MBD5: variants seen among roughly 807,000 people sequenced by gnomAD.
MBD5 encodes the protein methyl-CpG binding domain protein 5, also known as methyl-CpG-binding domain protein 5.
MBD5 carries 13 observed loss-of-function variants against 117.3 expected under a neutral mutation model. The ratio of observed to expected loss-of-function variants is 0.11; its 90% CI spans 0.07 to 0.18. MBD5 has a LOEUF of 0.18. MBD5 is among the 10% of genes least tolerant of loss of function. The pLI, the probability that MBD5 is intolerant of heterozygous loss-of-function variation, is 1.00. For synonymous variants in MBD5, 727 were observed against 766.4 expected (o/e 0.95, Z 0.85); for missense variants, 1,879 against 2,093.8 (o/e 0.90, Z 2.00).
chr2:148,177,036 A>G (rs1698407929), intron 1 of MBD5, among the ~76,000 whole-genome samples: 1 of 152,186 alleles, frequency 6.6e-6, no homozygotes, highest in Non-Finnish European at 1.5e-5. Flanking sequence ...AGAGGATAGC[A>G]AAGCTTACAA....
intron 3 of MBD5, among the ~76,000 whole-genome samples, chr2:148,314,266 G>A (rs1405998820): frequency 1.3e-5 from 2 of 151,516 alleles, no homozygotes; most frequent in African/African-American, 4.8e-5. Context: ...TGTGGCAAAA[G>A]GAAATTTTTT....
At chr2:148,215,795 T>C (rs1243431424) in intron 2 of MBD5, among the ~76,000 whole-genome samples, 1 of 151,474 alleles carries the variant, frequency 6.6e-6, no homozygotes, top group African/African-American at 2.4e-5. Context: ...AGTGCCAGAA[T>C]TACAGGCATA....
intron 1 of MBD5, among the ~76,000 whole-genome samples, chr2:148,031,339 TA>T (rs35688557): frequency 0.47 from 70,587 of 149,820 alleles, 16,855 homozygotes; most frequent in Middle Eastern, 0.62. Context: ...ATATGCCTTG[TA>T]AAAAAAAAAG....
chr2:148,373,977 G>T (rs1574348335), intron 4 of MBD5, among the ~76,000 whole-genome samples: 1 of 151,890 alleles, frequency 6.6e-6, no homozygotes, highest in Non-Finnish European at 1.5e-5. Flanking sequence ...CCAATATAAG[G>T]CTCAAAGGAA....
rs142016823 is a variant in MBD5 at position 148,174,674 on chromosome 2, A to G, written c.-924-4026A>G. ...TACATTTCTCAAAAAAAGGCATCCA[A>G]AAGTCCAACTGATACAAGAAAAACT... On this transcript the variant is annotated intron_variant, in intron 1 of 13. Coordinates refer to ENST00000642680, the MANE Select transcript of MBD5 (RefSeq NM_001378120.1). Among the ~76,000 whole-genome samples the G allele has an allele frequency of 2.7e-3, 410 of 152,248 alleles. 1 individual carries two copies. Among genetic ancestry groups the G allele is most frequent in the Admixed American group, 5.1e-3 (78 of 15,302 alleles).
chr2:148,352,838 T>A (rs1703278920), intron 4 of MBD5, among the ~76,000 whole-genome samples: 2 of 152,148 alleles, frequency 1.3e-5, no homozygotes, highest in Non-Finnish European at 1.5e-5. Flanking sequence ...AAGACCCTAA[T>A]AAGGTATTGC....
chr2:148,412,842 G>A (rs1473930079), intron 4 of MBD5, among the ~76,000 whole-genome samples: 1 of 152,020 alleles, frequency 6.6e-6, no homozygotes, highest in African/African-American at 2.4e-5. Context: ...TTCTTAATGA[G>A]ATCTAGGAGG....
At chr2:148,463,613 A>G in intron 6 of MBD5, 126 bp from the exon 7 acceptor site, 1 of 1,199,020 alleles carries the variant, frequency 8.3e-7, no homozygotes, top group South Asian at 1.3e-5. Flanking sequence ...GCCTTTCTTA[A>G]AAACTTGAGA....
rs146604872 is a variant in MBD5 at position 148,148,401 on chromosome 2, T to G, written c.-924-30299T>G. Among the ~76,000 whole-genome samples the G allele has an allele frequency of 6.5e-3, 993 of 152,310 alleles. 8 individuals are homozygous for G. Among genetic ancestry groups the G allele is most frequent in the Non-Finnish European group, 0.01 (681 of 68,024 alleles). On this transcript the variant is annotated intron_variant, in intron 1 of 13. Transcript: ENST00000642680. ...AGAAGAGGATGGGATTAGTGCAAAT[T>G]AAAATGCCACAAGATTCGCTCTTCA...
chr2:148,227,049 C>T (rs1699843367), intron 2 of MBD5, among the ~76,000 whole-genome samples: 1 of 152,086 alleles, frequency 6.6e-6, no homozygotes, highest in Admixed American at 6.5e-5. Flanking sequence ...AAAATTTTCT[C>T]CCATTCTGTA....
intron 9 of MBD5, chr2:148,485,447 T>A (rs779096728): frequency 3.2e-6 from 1 of 314,036 alleles, no homozygotes; most frequent in Non-Finnish European, 5.9e-6. Flanking sequence ...TAAAAATAGA[T>A]GAAGGAATCA....
chr2:148,487,761 A>C (rs775865769), intron 10 of MBD5, among the ~76,000 whole-genome samples: 1 of 152,132 alleles, frequency 6.6e-6, no homozygotes, highest in Admixed American at 6.5e-5. Flanking sequence ...ACACACTACT[A>C]TATGAGATGA....
chr2:148,490,264 C>T lies in MBD5; in HGVS notation c.4632C>T (p.Asp1544=). 4 of 1,614,156 alleles carry T rather than the reference C, an allele frequency of 2.5e-6. No individual in the cohort carries two copies. The highest frequency in any genetic ancestry group is 1.1e-5 in the South Asian group (1 of 91,086). ...AGCTGCTAAGCACTGCAAAGCAAGA[C>T]CTGGTCCTAGAGGAGCAGTCTCCAA... is the stretch of plus-strand genomic sequence containing the variant. The part of the protein sequence containing the change: ...FGELLSTAKQ[D]LVLEEQSPSS... The change falls in exon 11 of 14, where the codon GAC becomes GAT. Residue 1544 remains aspartate (D), a synonymous_variant. Coordinates refer to ENST00000642680, the MANE Select transcript of MBD5 (RefSeq NM_001378120.1).
At chr2:148,263,084 C>T (rs986101421) in intron 3 of MBD5, among the ~76,000 whole-genome samples, 2 of 152,034 alleles carry the variant, frequency 1.3e-5, no homozygotes, top group African/African-American at 4.8e-5. Context: ...ATGGAGAATA[C>T]AAGAAAGAGA....
intron 1 of MBD5, among the ~76,000 whole-genome samples, chr2:148,126,107 G>C (rs1696882486): frequency 6.6e-6 from 1 of 152,032 alleles, no homozygotes; most frequent in Non-Finnish European, 1.5e-5. Context: ...TGTAGGTTAA[G>C]AAGCAGGCTG....
At chr2:148,344,741 C>A (rs1306550266) in intron 4 of MBD5, among the ~76,000 whole-genome samples, 1 of 151,902 alleles carries the variant, frequency 6.6e-6, no homozygotes, top group African/African-American at 2.4e-5. Flanking sequence ...AGAATCATAT[C>A]ATCCTATTGC....
intron 1 of MBD5, among the ~76,000 whole-genome samples, chr2:148,023,150 A>G (rs1470816853): frequency 6.6e-6 from 1 of 151,118 alleles, no homozygotes; most frequent in Non-Finnish European, 1.5e-5. Flanking sequence ...AGCAAAAAAT[A>G]TTCTTCTGTA....
intron 3 of MBD5, among the ~76,000 whole-genome samples, chr2:148,290,754 C>G (rs1701482315): frequency 6.6e-6 from 1 of 152,068 alleles, no homozygotes. Context: ...TCATTTTATT[C>G]ATCAATTGAT....
intron 3 of MBD5, among the ~76,000 whole-genome samples, chr2:148,303,473 C>G (rs1012125312): frequency 3.9e-5 from 6 of 152,102 alleles, no homozygotes; most frequent in African/African-American, 1.2e-4. Context: ...TTTTCCAGTT[C>G]CAGAGTGTTA....
Sources: gnomAD v4.1 joint callset for allele counts (sites outside exome capture counted in the v4.1 genomes callset) on GRCh38, gnomAD v4.1.1 for gene constraint, MANE v1.5 for transcripts, NCBI Gene and HGNC (gene_info 2026-07-23, HGNC 2026-07-21) for gene names.